The following COLGALT1 variants were observed in gnomAD, a reference collection of about 807,000 sequenced individuals.
COLGALT1 encodes collagen beta(1-O)galactosyltransferase 1.
COLGALT1 carries 43 observed loss-of-function variants against 60.8 expected under a neutral mutation model. The ratio of observed to expected loss-of-function variants is 0.71; its 90% CI spans 0.55 to 0.91. The LOEUF (loss-of-function observed/expected upper bound fraction) is 0.91. Among genes scored for constraint, COLGALT1 ranks in the 40% least tolerant of loss-of-function variants. The pLI, the probability that COLGALT1 is intolerant of heterozygous loss-of-function variation, is 0.00. For missense variants in COLGALT1, 845 were observed against 880.0 expected (o/e 0.96, Z 0.50); for synonymous variants, 369 against 374.2 (o/e 0.99, Z 0.16).
chr19:17,563,275 C>T (rs1239406609), intron 3 of COLGALT1, among the ~76,000 whole-genome samples: 1 of 149,134 alleles, frequency 6.7e-6, no homozygotes, highest in South Asian at 2.1e-4. Context: ...ACTGCAGCCT[C>T]CACCTCCTGG....
intron 3 of COLGALT1, among the ~76,000 whole-genome samples, chr19:17,560,755 CAG>C (rs1387586696): frequency 1.3e-5 from 2 of 151,744 alleles, no homozygotes; most frequent in Non-Finnish European, 2.9e-5. Context: ...TTTTTTGAGA[CAG>C]AGACTCACTC....
Position 17,581,241 on chromosome 19 carries a change from A to G in COLGALT1, c.1666A>G (p.Ile556Val). The G allele has an allele frequency of 6.2e-7, 1 of 1,610,724 alleles. No individual in the cohort carries two copies. The highest frequency in any genetic ancestry group is 8.5e-7 in the Non-Finnish European group (1 of 1,179,796). Reference protein sequence around the residue: ...LHAFSVEPLLIYPTHYTGDDG... With the variant: ...LHAFSVEPLLVYPTHYTGDDG... ...TGCCTTCTCTGTGGAGCCGCTGCTCATCTACCCCACACACTACACAGGAGA... is the reference window on the plus strand; with the variant it reads ...TGCCTTCTCTGTGGAGCCGCTGCTCGTCTACCCCACACACTACACAGGAGA... Residue 556 changes from isoleucine to valine, a missense_variant, in exon 12 of 12, where the codon ATC (isoleucine) becomes GTC (valine). Coordinates refer to ENST00000252599, the MANE Select transcript of COLGALT1 (RefSeq NM_024656.4).
rs1307754382 is a variant in COLGALT1, at chr19:17,560,379, TGGTCTGACTC to T, written c.404_413del (p.Trp135TyrfsTer7). ...CCCGGACGAGGAAGGCCCGAAACAC[TGGTCTGACTC>T]ACGCTACGAGCATGTCATGAAGTTG... On this transcript the variant is annotated frameshift_variant, in exon 3 of 12. Coordinates refer to ENST00000252599, the MANE Select transcript of COLGALT1 (RefSeq NM_024656.4). LOFTEE classifies it high-confidence loss of function. The T allele has an allele frequency of 6.2e-7, 1 of 1,614,116 alleles. No homozygotes were observed. Among genetic ancestry groups the T allele is most frequent in the Admixed American group, 1.7e-5 (1 of 60,006 alleles).
chr19:17,567,257 A>C, intron 3 of COLGALT1, 149 bp from the exon 4 acceptor site: 1 of 1,023,730 alleles, frequency 9.8e-7, no homozygotes, highest in Non-Finnish European at 1.4e-6. Context: ...CAGGCCCCCA[A>C]AACGGGGTCC....
chr19:17,574,864 A>G (rs2076332415), intron 6 of COLGALT1, among the ~76,000 whole-genome samples: 1 of 151,104 alleles, frequency 6.6e-6, no homozygotes, highest in Non-Finnish European at 1.5e-5. Flanking sequence ...TTGTGTTGTC[A>G]TTTCCTTTTT....
At chr19:17,574,518 C>T (rs969568148) in intron 6 of COLGALT1, among the ~76,000 whole-genome samples, 2 of 151,978 alleles carry the variant, frequency 1.3e-5, no homozygotes, top group East Asian at 1.9e-4. Flanking sequence ...TTAGTAGAGA[C>T]GGGGTTTCAC....
rs1011733985 is a variant in COLGALT1, at chr19:17,572,821, G to A, written c.949+219G>A. On this transcript the variant is annotated intron_variant, in intron 6 of 11. Coordinates refer to ENST00000252599, the MANE Select transcript of COLGALT1 (RefSeq NM_024656.4). ...TGTACACAGCATGCTTGGGGTTGTCGGGTGGGCTTCCTGGAGGAGGTGGCA... is the reference window on the plus strand; with the variant it reads ...TGTACACAGCATGCTTGGGGTTGTCAGGTGGGCTTCCTGGAGGAGGTGGCA... Among the ~76,000 whole-genome samples, 23 of 152,202 alleles carry A rather than the reference G, an allele frequency of 1.5e-4. No homozygotes were observed. Among genetic ancestry groups the A allele is most frequent in the African/African-American group, 5.5e-4 (23 of 41,446 alleles).
intron 5 of COLGALT1, among the ~76,000 whole-genome samples, chr19:17,569,117 C>T (rs562282567): frequency 3.3e-5 from 5 of 152,088 alleles, no homozygotes; most frequent in Non-Finnish European, 5.9e-5. Context: ...GAGGCTGAGG[C>T]GGGAGGATCA....
At chr19:17,556,937 G>A (rs1180183350) in intron 1 of COLGALT1, among the ~76,000 whole-genome samples, 1 of 152,066 alleles carries the variant, frequency 6.6e-6, no homozygotes, top group African/African-American at 2.4e-5. Flanking sequence ...AAAAGAAAAT[G>A]AGCGTATTAA....
intron 5 of COLGALT1, 94 bp from the exon 6 acceptor site, chr19:17,572,389 C>T (rs1441336698): frequency 3.8e-6 from 6 of 1,586,192 alleles, no homozygotes; most frequent in Non-Finnish European, 5.2e-6. Flanking sequence ...AGCGATCCTC[C>T]TGCGTTGGCC....
At chr19:17,575,406 C>T (rs62119899) in intron 6 of COLGALT1, among the ~76,000 whole-genome samples, 2,875 of 152,118 alleles carry the variant, frequency 0.019, 38 homozygotes, top group South Asian at 0.067. Flanking sequence ...CTACCACATC[C>T]GGCTAATTTT....
chr19:17,568,763 G>C (rs755318226), intron 5 of COLGALT1, 50 bp downstream of exon 5: 3 of 1,595,882 alleles, frequency 1.9e-6, no homozygotes. Flanking sequence ...CTGGTTCTTT[G>C]GGTTTTGCAC....
Position 17,581,238 on chromosome 19 carries a change from C to CTCA in COLGALT1, c.1666_1668dup (p.Ile556dup), listed in dbSNP as rs1254812434. ...GCATGCCTTCTCTGTGGAGCCGCTG[C>CTCA]TCATCTACCCCACACACTACACAGG... On this transcript the variant is annotated inframe_insertion, in exon 12 of 12. Transcript: ENST00000252599. 1 of 1,610,870 alleles carries CTCA rather than the reference C, an allele frequency of 6.2e-7. No homozygotes were observed. The highest frequency in any genetic ancestry group is 1.7e-5 in the Admixed American group (1 of 59,878).
chr19:17,558,060 C>G (rs1008686549), intron 1 of COLGALT1, among the ~76,000 whole-genome samples: 11 of 152,074 alleles, frequency 7.2e-5, no homozygotes, highest in Non-Finnish European at 1.3e-4. Flanking sequence ...GCCTCGGCCT[C>G]CTGAGTAGCT....
At chr19:17,557,746 C>CGTAT (rs1568471286) in intron 1 of COLGALT1, among the ~76,000 whole-genome samples, 1 of 152,120 alleles carries the variant, frequency 6.6e-6, no homozygotes, top group East Asian at 1.9e-4. Context: ...GGACTACAGG[C>CGTAT]GTATGCCACT....
In COLGALT1 at chr19:17,567,471, G is replaced by T; in HGVS notation, c.555G>T (p.Lys185Asn). 1 of 1,614,158 alleles carries T rather than the reference G, an allele frequency of 6.2e-7. No individual in the cohort carries two copies. Among genetic ancestry groups the T allele is most frequent in the East Asian group, 2.2e-5 (1 of 44,878 alleles). ...TGAGCCTGCTCATCGCTGAGAACAAGACGGTGGTCGCCCCCATGCTGGATT... is the reference window on the plus strand; with the variant it reads ...TGAGCCTGCTCATCGCTGAGAACAATACGGTGGTCGCCCCCATGCTGGATT... ...DTLSLLIAENKTVVAPMLDSR... is the reference protein window; with the variant it reads ...DTLSLLIAENNTVVAPMLDSR... The change falls in exon 4 of 12, where the codon AAG (lysine) becomes AAT (asparagine). Residue 185 changes from lysine to asparagine, a missense_variant. Transcript: ENST00000252599.
intron 6 of COLGALT1, among the ~76,000 whole-genome samples, chr19:17,573,303 G>A (rs8110159): frequency 0.65 from 98,238 of 151,826 alleles, 32,608 homozygotes; most frequent in Middle Eastern, 0.8. Flanking sequence ...CGAGACGGGC[G>A]GATCACAAGG....
intron 3 of COLGALT1, among the ~76,000 whole-genome samples, chr19:17,562,775 C>T (rs533564157): frequency 5.9e-4 from 90 of 152,128 alleles, no homozygotes; most frequent in African/African-American, 2.0e-3. Context: ...GCAGGGGGTT[C>T]AGGATGCGTC....
intron 1 of COLGALT1, among the ~76,000 whole-genome samples, chr19:17,557,978 C>T (rs1291907225): frequency 6.6e-6 from 1 of 152,090 alleles, no homozygotes; most frequent in Non-Finnish European, 1.5e-5. Context: ...GCTCTCGTTG[C>T]TGAGGCTGGA....
Sources: allele counts gnomAD v4.1 joint callset (sites outside exome capture counted in the v4.1 genomes callset), GRCh38; gene constraint gnomAD v4.1.1; transcripts MANE v1.5; gene names NCBI Gene and HGNC (gene_info 2026-07-23, HGNC 2026-07-21).